The following PLCXD1 variants were observed in gnomAD, a reference collection of about 807,000 sequenced individuals.
The protein encoded by PLCXD1 is PI-PLC X domain-containing protein 1.
PLCXD1 carries 45 observed loss-of-function variants against 37.8 expected under a neutral mutation model. That is an observed-to-expected ratio of 1.19 (90% CI 0.94 to 1.53). The LOEUF is 1.53. Among genes scored for constraint, PLCXD1 ranks in the 40% most tolerant of loss-of-function variants. The pLI is 0.00. For synonymous variants in PLCXD1, 246 were observed against 206.9 expected, an observed-to-expected ratio of 1.19 and a Z score of -1.62; for missense variants, 539 against 454.7, an observed-to-expected ratio of 1.19 and a Z score of -1.69.
chrX:293,126 T>C lies in PLCXD1; in HGVS notation c.641T>C (p.Leu214Pro), dbSNP rs2069690364. Residue 214 changes from leucine to proline, a missense_variant, in exon 6 of 7, where the codon CTG becomes CCG. Coordinates refer to ENST00000381657, the MANE Select transcript of PLCXD1 (RefSeq NM_018390.4). ...AGCTCCTTGCGCCGGCACCACGAGC[T>C]GTGGCCAGGAGTCCCCTACTGGTGG... ...DESSLRRHHE[L>P]WPGVPYWWGN... is the part of the protein sequence containing the mutation. 1.9e-6 allele frequency: 3 copies of C among 1,612,438 alleles called. No homozygotes were observed. In the East Asian group the frequency reaches 6.7e-5, roughly 36 times the overall value.
Position 293,047 on chromosome X carries a change from C to A in PLCXD1, c.562C>A (p.Leu188Met). ...TGGTCCTTTGCAGGAGGTGCCGACA[C>A]TGCGGCAGCTGTGGTCCCGGGGCCA... is the stretch of plus-strand genomic sequence containing the variant. The part of the protein sequence containing the change: ...MLCPRGEVPT[L>M]RQLWSRGQQV... The change falls in exon 6 of 7, where the codon CTG becomes ATG. Residue 188 changes from leucine to methionine, a missense_variant. By Grantham distance (15) the Leu-to-Met change is conservative. Coordinates refer to ENST00000381657, the MANE Select transcript of PLCXD1 (RefSeq NM_018390.4). 5.0e-6 allele frequency: 8 copies of A among 1,607,670 alleles called. No individual in the cohort carries two copies. Among genetic ancestry groups the A allele is most frequent in the Non-Finnish European group, 5.9e-6 (7 of 1,176,960 alleles).
intron 5 of PLCXD1, 83 bp downstream of exon 5, chrX:291,737 G>T: frequency 7.0e-7 from 1 of 1,423,310 alleles, no homozygotes; most frequent in Non-Finnish European, 9.9e-7. Flanking sequence ...TGCCCTGGGT[G>T]TGGGTGCTGC....
intron 6 of PLCXD1, among the ~76,000 whole-genome samples, chrX:294,052 G>A (rs1188356093): frequency 6.6e-6 from 1 of 152,024 alleles, no homozygotes; most frequent in Non-Finnish European, 1.5e-5. Flanking sequence ...AACTCCTGGT[G>A]TCAGCCAGGT....
rs750378423 is a variant in PLCXD1, at chrX:288,442, C to T, written c.128-291C>T. On this transcript the variant is annotated intron_variant, in intron 2 of 6. Coordinates refer to ENST00000381657, the MANE Select transcript of PLCXD1 (RefSeq NM_018390.4). The stretch of plus-strand genomic sequence containing the variant: ...GCCTCCTCCTCTGTGTCTGTCTCCT[C>T]CTCTTGTGTCTTAGACGGACACCTG... 2.2e-3 allele frequency among the ~76,000 whole-genome samples: 328 copies of T among 152,278 alleles called. 2 individuals carry two copies. Among genetic ancestry groups the T allele is most frequent in the Middle Eastern group, 0.01 (3 of 294 alleles).
chrX:296,202 C>T (rs943087107), intron 6 of PLCXD1, among the ~76,000 whole-genome samples: 1 of 152,034 alleles, frequency 6.6e-6, no homozygotes, highest in Non-Finnish European at 1.5e-5. Flanking sequence ...CTCACTGCAA[C>T]CTCCACCTCC....
In PLCXD1 at chrX:300,684, G is replaced by C. The variant is rs1286497329; in HGVS notation, c.*1349G>C. ...CACACGTATACATATATACGTGCGT[G>C]TGTATGTGTATATATATATATGTGT... On this transcript the variant is annotated 3_prime_UTR_variant, in exon 7 of 7. Transcript: ENST00000381657. 2 of 151,846 alleles carry C rather than the reference G, an allele frequency of 1.3e-5. No individual in the cohort carries two copies. The highest frequency in any genetic ancestry group is 4.9e-5 in the African/African-American group (2 of 41,234). 9.4% of individuals were successfully genotyped at this position (151,846 alleles called of 1,614,324 possible). A position where few individuals can be genotyped will look rare whatever the true frequency, so the allele number is the denominator to read the frequency against.
At chrX:288,233 G>T (rs1432520137) in intron 2 of PLCXD1, among the ~76,000 whole-genome samples, 2 of 152,050 alleles carry the variant, frequency 1.3e-5, no homozygotes, top group African/African-American at 4.8e-5. Flanking sequence ...ACAGGTTCTG[G>T]GCAGGGGGTT....
chrX:302,273 C>CCG lies in PLCXD1; in HGVS notation c.*2939_*2940insGC, dbSNP rs1556024848. On this transcript the variant is annotated 3_prime_UTR_variant, in exon 7 of 7. Transcript: ENST00000381657. ...AAGTCCTACAGGTACAAGGGAGACCCCCCCCCCACGGAAGGCGCCCCCAGT... is the reference window on the plus strand; with the variant it reads ...AAGTCCTACAGGTACAAGGGAGACCCCGCCCCCCCACGGAAGGCGCCCCCAGT... The CCG allele has an allele frequency of 6.8e-6, 1 of 147,034 alleles. No homozygotes were observed. The highest frequency in any genetic ancestry group is 6.9e-5 in the Admixed American group (1 of 14,526). The allele number at this position is 147,034 out of a possible 1,614,324, so 9.1% of individuals were successfully genotyped here. A position where few individuals can be genotyped will look rare whatever the true frequency, so the allele number is the denominator to read the frequency against.
intron 6 of PLCXD1, among the ~76,000 whole-genome samples, chrX:294,352 G>T (rs780802596): frequency 6.6e-6 from 1 of 152,050 alleles, no homozygotes; most frequent in East Asian, 1.9e-4. Context: ...CGTGGTGGCG[G>T]GCGCCTGTAA....
chrX:284,347 CT>C (rs1368610481), intron 2 of PLCXD1, 33 bp downstream of exon 2: 1 of 1,610,614 alleles, frequency 6.2e-7, no homozygotes, highest in East Asian at 2.2e-5. Context: ...GCCGTTGCCT[CT>C]ATCCCAGGTG....
At chrX:293,804 AG>A (rs2069715045) in intron 6 of PLCXD1, among the ~76,000 whole-genome samples, 1 of 152,178 alleles carries the variant, frequency 6.6e-6, no homozygotes, top group Non-Finnish European at 1.5e-5. Flanking sequence ...ATCCATTTAC[AG>A]GAAATGCCCA....
At chrX:279,422 G>A (rs1052026306), upstream of PLCXD1, among the ~76,000 whole-genome samples, 8 of 152,160 alleles carry the variant, frequency 5.3e-5, no homozygotes, top group African/African-American at 1.4e-4. Context: ...GTGGTGAGGC[G>A]GGCTTCCAGG....
At chrX:283,891 C>A in intron 1 of PLCXD1, 21 of 187,854 alleles carry the variant, frequency 1.1e-4, no homozygotes, top group Non-Finnish European at 1.5e-4. Flanking sequence ...TTTTTTTTTT[C>A]TTTTTTGGAT....
intron 6 of PLCXD1, 31 bp from the exon 7 acceptor site, chrX:299,066 G>A (rs372791243): frequency 9.1e-6 from 14 of 1,531,788 alleles, no homozygotes; most frequent in Admixed American, 5.0e-5. Flanking sequence ...GCCCGTGACC[G>A]TGTAACCTCT....
In PLCXD1 at chrX:288,254, C is replaced by T. The variant is rs759631965; in HGVS notation, c.128-479C>T. On this transcript the variant is annotated intron_variant, in intron 2 of 6. Coordinates refer to ENST00000381657, the MANE Select transcript of PLCXD1 (RefSeq NM_018390.4). ...TCTGGGCAGGGGGTTAGGACTTGAACAGCTCTTTTGGGGATCACCACTCAA... is the reference window on the plus strand; with the variant it reads ...TCTGGGCAGGGGGTTAGGACTTGAATAGCTCTTTTGGGGATCACCACTCAA... Among the ~76,000 whole-genome samples the T allele has an allele frequency of 1.2e-3, 189 of 152,146 alleles. 1 individual carries two copies. Among genetic ancestry groups the T allele is most frequent in the Admixed American group, 2.7e-3 (42 of 15,278 alleles).
At position 299,637 on chromosome X, in the gene PLCXD1, G is replaced by C; in HGVS notation, c.*302G>C. 1 of 500,834 alleles carries C rather than the reference G, an allele frequency of 2.0e-6. No individual in the cohort carries two copies. Among genetic ancestry groups the C allele is most frequent in the East Asian group, 3.5e-5 (1 of 28,280 alleles). The allele number at this position is 500,834 out of a possible 1,614,324, so 31.0% of individuals were successfully genotyped here. On this transcript the variant is annotated 3_prime_UTR_variant, in exon 7 of 7. Transcript: ENST00000381657. The stretch of plus-strand genomic sequence containing the variant: ...GCTGGGTGTGTGGCAGGCGCCTGTA[G>C]TCCCAGTTACTCGGGAGGCTCAGGC...
At chrX:289,328 C>G (rs770632169) in intron 3 of PLCXD1, among the ~76,000 whole-genome samples, 9 of 152,112 alleles carry the variant, frequency 5.9e-5, no homozygotes, top group African/African-American at 2.2e-4. Flanking sequence ...ACCTCATGAT[C>G]TGCCCGCCCC....
intron 1 of PLCXD1, chrX:283,079 G>GTA (rs2069327944): frequency 8.5e-6 from 1 of 117,670 alleles, no homozygotes. Flanking sequence ...GTGTGTGTGT[G>GTA]TGTGTGTGTG....
rs776405244 is a variant in PLCXD1 at position 284,184 on chromosome X, T to A, written c.-4T>A. ...TTCCTCAGGTTGCCCAGGGCTCACCTCTGATGGGTGGGCAGGTGAGCGCTT... is the reference window on the plus strand; with the variant it reads ...TTCCTCAGGTTGCCCAGGGCTCACCACTGATGGGTGGGCAGGTGAGCGCTT... On this transcript the variant is annotated 5_prime_UTR_variant, in exon 2 of 7. Coordinates refer to ENST00000381657, the MANE Select transcript of PLCXD1 (RefSeq NM_018390.4). 6.2e-7 allele frequency: 1 copy of A among 1,613,116 alleles called. No homozygotes were observed. Among genetic ancestry groups the A allele is most frequent in the Non-Finnish European group, 8.5e-7 (1 of 1,179,778 alleles).
Sources: allele counts gnomAD v4.1 joint callset (sites outside exome capture counted in the v4.1 genomes callset), GRCh38; gene constraint gnomAD v4.1.1; transcripts MANE v1.5; gene names NCBI Gene and HGNC (gene_info 2026-07-23, HGNC 2026-07-21).